The following BBS9 variants were observed in gnomAD, a reference collection of about 807,000 sequenced individuals.
The protein encoded by BBS9 is protein PTHB1.
Under a neutral mutation model 117.7 loss-of-function variants are expected in BBS9, and 89 were observed. The observed-to-expected ratio is 0.76, with a 90% CI of 0.64 to 0.90. The LOEUF is 0.90. Ranked by LOEUF, BBS9 falls within the 40% of genes least tolerant of loss-of-function variation. The probability of loss-of-function intolerance (pLI) is 0.00; values close to 1 mark genes in which losing one functional copy is unlikely to be tolerated. For synonymous variants in BBS9, 379 were observed against 370.9 expected, an observed-to-expected ratio of 1.02 and a Z score of -0.25; for missense variants, 982 against 1,042.2, an observed-to-expected ratio of 0.94 and a Z score of 0.80.
At chr7:33,305,500 A>G (rs1807697292) in intron 9 of BBS9, among the ~76,000 whole-genome samples, 7 of 152,146 alleles carry the variant, frequency 4.6e-5, no homozygotes, top group Admixed American at 4.6e-4. Context: ...TACTTCCTTA[A>G]ATATTTGGTA....
intron 9 of BBS9, among the ~76,000 whole-genome samples, chr7:33,321,499 G>C (rs1259183649): frequency 6.6e-6 from 1 of 151,782 alleles, no homozygotes; most frequent in East Asian, 1.9e-4. Flanking sequence ...TTGTAAATGG[G>C]ATTACTTTCT....
intron 22 of BBS9, 53 bp downstream of exon 22, chr7:33,605,028 ATCTGG>A: frequency 1.3e-6 from 2 of 1,521,272 alleles, no homozygotes; most frequent in Non-Finnish European, 1.8e-6. Flanking sequence ...AGCAGTGACA[ATCTGG>A]TCAGTTTTTG....
chr7:33,615,547 G>GA (rs999974126), intron 21 of BBS9, among the ~76,000 whole-genome samples: 6 of 148,926 alleles, frequency 4.0e-5, no homozygotes, highest in East Asian at 3.9e-4. Context: ...GAAAAGCAAA[G>GA]AAAAAAAAAT....
intron 5 of BBS9, among the ~76,000 whole-genome samples, chr7:33,216,918 A>T (rs1369016189): frequency 1.3e-5 from 2 of 151,932 alleles, no homozygotes; most frequent in African/African-American, 4.8e-5. Context: ...ACATGGTGAA[A>T]CCCATCTCTA....
chr7:33,574,706 C>CAT (rs1858442573), intron 21 of BBS9, among the ~76,000 whole-genome samples: 2 of 127,174 alleles, frequency 1.6e-5, no homozygotes, highest in African/African-American at 7.8e-5. Flanking sequence ...CACACACACA[C>CAT]ACACACACAC....
At chr7:33,165,739 C>A (rs1795578217) in intron 4 of BBS9, among the ~76,000 whole-genome samples, 1 of 152,072 alleles carries the variant, frequency 6.6e-6, no homozygotes, top group Admixed American at 6.6e-5. Context: ...TTCATCTAAT[C>A]TTTTTTCAAG....
chr7:33,312,405 TGTA>T (rs1273961054), intron 9 of BBS9, among the ~76,000 whole-genome samples: 5 of 152,140 alleles, frequency 3.3e-5, no homozygotes, highest in African/African-American at 1.2e-4. Context: ...CACAGCATCG[TGTA>T]GCTGCGCAGT....
At chr7:33,428,186 G>T (rs1486858988) in intron 19 of BBS9, among the ~76,000 whole-genome samples, 1 of 152,134 alleles carries the variant, frequency 6.6e-6, no homozygotes, top group East Asian at 1.9e-4. Context: ...GAAAAACAGG[G>T]TGTGTGTTCA....
At chr7:33,137,542 T>A (rs2128067124) in intron 1 of BBS9, among the ~76,000 whole-genome samples, 1 of 152,292 alleles carries the variant, frequency 6.6e-6, no homozygotes, top group East Asian at 1.9e-4. Context: ...CTGCCTAAGT[T>A]GTCTTTTGAA....
At chr7:33,155,214 G>C (rs4723263) in intron 3 of BBS9, among the ~76,000 whole-genome samples, 61,789 of 152,088 alleles carry the variant, frequency 0.41, 12,806 homozygotes, top group East Asian at 0.6. Flanking sequence ...TTCCAAGATG[G>C]TTTCACATTA....
At chr7:33,259,394 C>T (rs570024680) in intron 6 of BBS9, among the ~76,000 whole-genome samples, 1 of 152,200 alleles carries the variant, frequency 6.6e-6, no homozygotes, top group South Asian at 2.1e-4. Context: ...GATGCTAGTC[C>T]CCAGTCCCCT....
intron 5 of BBS9, among the ~76,000 whole-genome samples, chr7:33,239,486 T>G (rs986889168): frequency 6.6e-6 from 1 of 152,044 alleles, no homozygotes; most frequent in African/African-American, 2.4e-5. Flanking sequence ...CTCGGCTCAC[T>G]GCAACCTCTG....
At chr7:33,595,012 C>T (rs962573755) in intron 21 of BBS9, among the ~76,000 whole-genome samples, 2 of 151,938 alleles carry the variant, frequency 1.3e-5, no homozygotes, top group African/African-American at 4.8e-5. Flanking sequence ...GAAACTGGAC[C>T]CCTTCCTTAG....
intron 6 of BBS9, 132 bp downstream of exon 6, chr7:33,257,542 GTGAC>G: frequency 1.2e-6 from 1 of 852,702 alleles, no homozygotes; most frequent in Non-Finnish European, 1.9e-6. Context: ...TGTGATTGTG[GTGAC>G]TTAGACTATA....
In BBS9 at chr7:33,248,994, A is replaced by G. The variant is rs187009469; in HGVS notation, c.443-8242A>G. On this transcript the variant is annotated intron_variant, in intron 5 of 22. Coordinates refer to ENST00000242067, the MANE Select transcript of BBS9 (RefSeq NM_198428.3). ...TGTATTTTTACTCAATGTGTAAAAGAAATATGAGCATAGAGAGATTCAAAA... is the reference window on the plus strand; with the variant it reads ...TGTATTTTTACTCAATGTGTAAAAGGAATATGAGCATAGAGAGATTCAAAA... Among the ~76,000 whole-genome samples, 661 of 152,294 alleles carry G rather than the reference A, an allele frequency of 4.3e-3. 4 individuals carry two copies. The highest frequency in any genetic ancestry group is 6.2e-3 in the Non-Finnish European group (420 of 68,020).
intron 19 of BBS9, among the ~76,000 whole-genome samples, chr7:33,451,168 G>A (rs1334458934): frequency 6.6e-6 from 1 of 152,112 alleles, no homozygotes; most frequent in Non-Finnish European, 1.5e-5. Context: ...GATTACAGGT[G>A]TGAGCCACCG....
At chr7:33,352,356 T>A (rs1818825672) in intron 14 of BBS9, among the ~76,000 whole-genome samples, 5 of 152,122 alleles carry the variant, frequency 3.3e-5, no homozygotes, top group Admixed American at 3.3e-4. Context: ...GAAAGTGAAT[T>A]AGAAATTAAC....
chr7:33,271,379 A>T lies in BBS9; in HGVS notation c.703-1633A>T, dbSNP rs113668265. 5.2e-3 allele frequency among the ~76,000 whole-genome samples: 791 copies of T among 152,344 alleles called. 12 individuals are homozygous for T. Among genetic ancestry groups the T allele is most frequent in the African/African-American group, 0.018 (751 of 41,586 alleles). ...CCACACGTATCAATACTAACCTTGA[A>T]TGTAAACAGGCTAAATGACCCATTT... On this transcript the variant is annotated intron_variant, in intron 7 of 22. Transcript: ENST00000242067.
intron 12 of BBS9, chr7:33,346,084 G>A (rs755212642): frequency 1.3e-4 from 38 of 292,186 alleles, no homozygotes; most frequent in Non-Finnish European, 2.4e-4. Flanking sequence ...CATTATAAAA[G>A]CATGAGAAAG....
Sources: allele counts gnomAD v4.1 joint callset (sites outside exome capture counted in the v4.1 genomes callset), GRCh38; gene constraint gnomAD v4.1.1; transcripts MANE v1.5; gene names NCBI Gene and HGNC (gene_info 2026-07-23, HGNC 2026-07-21).